Variants in KIAA0753 observed in about 807,000 individuals in gnomAD.
KIAA0753 encodes protein moonraker.
Under a neutral mutation model 116.9 loss-of-function variants are expected in KIAA0753, and 114 were observed. That is an observed-to-expected ratio of 0.98 (90% confidence interval 0.84 to 1.14). KIAA0753 has a LOEUF of 1.14. Ranked by LOEUF, KIAA0753 falls within the 50% of genes most tolerant of loss-of-function variation. The pLI, the probability that KIAA0753 is intolerant of heterozygous loss-of-function variation, is 0.00. For missense variants in KIAA0753, 1,156 were observed against 1,172.4 expected (o/e 0.99, Z 0.20); for synonymous variants, 405 against 413.1 (o/e 0.98, Z 0.24).
intron 7 of KIAA0753, among the ~76,000 whole-genome samples, chr17:6,618,847 AC>A (rs1246760550): frequency 6.6e-6 from 1 of 152,218 alleles, no homozygotes; most frequent in East Asian, 1.9e-4. Context: ...CAAATGAAAA[AC>A]AAAATCAGGT....
At chr17:6,613,847 A>G (rs1357972807) in intron 7 of KIAA0753, among the ~76,000 whole-genome samples, 1 of 152,222 alleles carries the variant, frequency 6.6e-6, no homozygotes, top group Non-Finnish European at 1.5e-5. Context: ...CAAATATAAT[A>G]CTGACATATT....
intron 7 of KIAA0753, among the ~76,000 whole-genome samples, chr17:6,615,614 C>CAAAAAAAAAAAAAAA (rs60310389): frequency 3.4e-5 from 2 of 58,762 alleles, no homozygotes; most frequent in African/African-American, 1.3e-4. Flanking sequence ...GACTCCGTCT[C>CAAAAAAAAAAAAAAA]AAAAAAAAAA....
At chr17:6,615,268 C>G (rs10445264) in intron 7 of KIAA0753, among the ~76,000 whole-genome samples, 2 of 151,860 alleles carry the variant, frequency 1.3e-5, no homozygotes, top group Non-Finnish European at 2.9e-5. Context: ...ATGCTGTAGA[C>G]GCTCCCTGCC....
chr17:6,602,035 C>T (rs888059919), intron 12 of KIAA0753, among the ~76,000 whole-genome samples: 4 of 152,172 alleles, frequency 2.6e-5, no homozygotes, highest in Admixed American at 6.6e-5. Flanking sequence ...CAACATCATT[C>T]GCCTTCAAGG....
chr17:6,595,945 T>C (rs575140516), intron 15 of KIAA0753, among the ~76,000 whole-genome samples: 3 of 152,340 alleles, frequency 2.0e-5, no homozygotes, highest in Admixed American at 6.5e-5. Flanking sequence ...AGCAGTGCGC[T>C]GAATACTCTA....
intron 3 of KIAA0753, among the ~76,000 whole-genome samples, chr17:6,625,687 A>AAG (rs1413435326): frequency 6.6e-6 from 1 of 152,156 alleles, no homozygotes; most frequent in African/African-American, 2.4e-5. Context: ...AATTAAAAAA[A>AAG]AGAGAGAGAG....
chr17:6,631,007 T>C (rs1406140276), intron 2 of KIAA0753, among the ~76,000 whole-genome samples: 1 of 152,120 alleles, frequency 6.6e-6, no homozygotes, highest in Non-Finnish European at 1.5e-5. Context: ...GGGAATGGGG[T>C]AGCAGATAAC....
At chr17:6,598,911 A>G (rs1367132409) in intron 14 of KIAA0753, among the ~76,000 whole-genome samples, 1 of 152,206 alleles carries the variant, frequency 6.6e-6, no homozygotes, top group Admixed American at 6.5e-5. Flanking sequence ...ATGAAAGGAA[A>G]TGAGGGCAGG....
intron 16 of KIAA0753, among the ~76,000 whole-genome samples, chr17:6,591,082 A>AG (rs1372509238): frequency 1.2e-4 from 18 of 144,162 alleles, no homozygotes; most frequent in African/African-American, 4.1e-4. Flanking sequence ...AAGAAGAAGA[A>AG]GAAGAAGAAG....
At chr17:6,592,941 G>A (rs1969180442) in intron 16 of KIAA0753, among the ~76,000 whole-genome samples, 2 of 152,026 alleles carry the variant, frequency 1.3e-5, no homozygotes, top group African/African-American at 4.8e-5. Flanking sequence ...TGGCTGCCCG[G>A]GTGGGAGAAA....
At chr17:6,591,067 A>AG (rs35165816) in intron 16 of KIAA0753, among the ~76,000 whole-genome samples, 4,090 of 62,450 alleles carry the variant, frequency 0.065, 174 homozygotes, top group Non-Finnish European at 0.082. Context: ...AAGAAGAAGA[A>AG]GAAGAAGAAG....
At chr17:6,612,856 GA>G (rs1163610308) in intron 7 of KIAA0753, among the ~76,000 whole-genome samples, 6 of 152,124 alleles carry the variant, frequency 3.9e-5, no homozygotes, top group African/African-American at 1.4e-4. Context: ...GGACAAGAGC[GA>G]GGCTTCATCT....
chr17:6,598,981 G>T (rs1353977069), intron 14 of KIAA0753, among the ~76,000 whole-genome samples: 1 of 152,206 alleles, frequency 6.6e-6, no homozygotes, highest in Non-Finnish European at 1.5e-5. Flanking sequence ...CCCACACTCT[G>T]TTATCCAGAG....
chr17:6,630,455 CT>C (rs1039069009), intron 2 of KIAA0753, among the ~76,000 whole-genome samples: 11 of 147,716 alleles, frequency 7.4e-5, no homozygotes, highest in Admixed American at 6.8e-5. Context: ...GCATTCATCA[CT>C]TTTTTTTTTA....
chr17:6,601,623 G>A (rs569816106), intron 12 of KIAA0753, among the ~76,000 whole-genome samples: 68 of 152,238 alleles, frequency 4.5e-4, no homozygotes, highest in African/African-American at 1.3e-3. Context: ...AATGAATTTC[G>A]ACCAGTATTT....
intron 6 of KIAA0753, 51 bp downstream of exon 6, chr17:6,622,831 T>G (rs527944931): frequency 7.6e-6 from 11 of 1,445,494 alleles, no homozygotes; most frequent in Non-Finnish European, 8.8e-6. Context: ...TAGGTAATAG[T>G]AAGCATTACT....
intron 8 of KIAA0753, among the ~76,000 whole-genome samples, chr17:6,610,847 G>A (rs1257787291): frequency 6.6e-6 from 1 of 152,226 alleles, no homozygotes; most frequent in African/African-American, 2.4e-5. Flanking sequence ...AAATGTTATC[G>A]AGAATGCGGG....
intron 4 of KIAA0753, among the ~76,000 whole-genome samples, chr17:6,624,329 T>C (rs778085214): frequency 4.6e-5 from 7 of 152,198 alleles, no homozygotes; most frequent in Admixed American, 2.0e-4. Context: ...ATGAAATAGA[T>C]GGGAAACTAA....
At chr17:6,622,640 G>C (rs1419451149) in intron 6 of KIAA0753, among the ~76,000 whole-genome samples, 1 of 152,206 alleles carries the variant, frequency 6.6e-6, no homozygotes, top group African/African-American at 2.4e-5. Context: ...TAATGAACCT[G>C]GTTTAAAGTT....
Sources: gnomAD v4.1 joint callset for allele counts (sites outside exome capture counted in the v4.1 genomes callset) on GRCh38, gnomAD v4.1.1 for gene constraint, MANE v1.5 for transcripts, NCBI Gene and HGNC (gene_info 2026-07-23, HGNC 2026-07-21) for gene names.